Variants in BEND2 observed in about 807,000 individuals in gnomAD.
BEND2 encodes BEN domain-containing protein 2.
A neutral mutation model predicts 43.8 loss-of-function variants in BEND2; 19 were observed. The observed-to-expected ratio is 0.43, with a 90% CI of 0.30 to 0.64. The LOEUF is 0.64. BEND2 is among the 30% of genes least tolerant of loss of function. The probability of loss-of-function intolerance (pLI) is 0.11; values close to 1 mark genes in which losing one functional copy is unlikely to be tolerated. For missense variants in BEND2, 544 were observed against 574.0 expected, an observed-to-expected ratio of 0.95 and a Z score of 0.53; for synonymous variants, 226 against 210.1, an observed-to-expected ratio of 1.08 and a Z score of -0.66.
chrX:18,216,798 G>T, intron 1 of BEND2, 65 bp from the exon 2 acceptor site: 1 of 863,478 alleles, frequency 1.2e-6, no homozygotes, highest in Non-Finnish European at 1.7e-6. Flanking sequence ...TCTTGAGGAA[G>T]CTACCTTATA....
intron 13 of BEND2, among the ~76,000 whole-genome samples, chrX:18,165,541 C>T (rs1234384500): frequency 8.9e-6 from 1 of 111,760 alleles, no homozygotes; most frequent in Non-Finnish European, 1.9e-5. Flanking sequence ...ATCAAAGAAG[C>T]GTCTAGCACG....
rs183017800 is a variant in BEND2 at position 18,163,190 on chromosome X, T to C, written c.*1819A>G. On this transcript the variant is annotated 3_prime_UTR_variant, in exon 14 of 14. Transcript: ENST00000380033. ...GATCCTCCCTCTTGAGCCCAGGAGT[T>C]CCAGATAAGCCTGGGCAATATAGCA... The C allele has an allele frequency of 1.8e-5, 2 of 111,939 alleles. No homozygotes were observed. Among genetic ancestry groups the C allele is most frequent in the Admixed American group, 1.9e-4 (2 of 10,502 alleles). The allele number at this position is 111,939 out of a possible 1,213,427, so 9.2% of individuals were successfully genotyped here.
At chrX:18,194,719 A>G (rs977456552) in intron 7 of BEND2, among the ~76,000 whole-genome samples, 3 of 111,631 alleles carry the variant, frequency 2.7e-5, no homozygotes, top group African/African-American at 9.8e-5. Flanking sequence ...GCTGAGTGAA[A>G]AAAAATCCAA....
At chrX:18,194,561 A>T (rs1300846341) in intron 7 of BEND2, among the ~76,000 whole-genome samples, 4 of 112,116 alleles carry the variant, frequency 3.6e-5, no homozygotes, top group African/African-American at 9.7e-5. Flanking sequence ...TAGACAAAAA[A>T]TAAAAATAAA....
intron 9 of BEND2, among the ~76,000 whole-genome samples, chrX:18,178,997 CTA>C (rs1924278109): frequency 1.7e-5 from 1 of 57,961 alleles, no homozygotes; most frequent in Non-Finnish European, 4.1e-5. Flanking sequence ...AAAGGACATT[CTA>C]GACCAAAATT....
chrX:18,172,641 C>A (rs1339457054), intron 12 of BEND2, among the ~76,000 whole-genome samples: 1 of 110,566 alleles, frequency 9.0e-6, no homozygotes, highest in Non-Finnish European at 1.9e-5. Context: ...TTGCAGTGAG[C>A]CGAGATTGTG....
At chrX:18,177,408 A>G (rs752738930) in intron 10 of BEND2, among the ~76,000 whole-genome samples, 161 bp downstream of exon 10, 1 of 109,579 alleles carries the variant, frequency 9.1e-6, no homozygotes, top group South Asian at 4.0e-4. Flanking sequence ...TACCAATTAT[A>G]TATTATTAAG....
Position 18,190,934 on chromosome X carries a change from A to G in BEND2, c.1288+67T>C, listed in dbSNP as rs999961671. 12 of 943,166 alleles carry G rather than the reference A, an allele frequency of 1.3e-5. No individual in the cohort carries two copies. In the South Asian group the frequency reaches 1.7e-4, roughly 14 times the overall value. 77.7% of individuals were successfully genotyped at this position (943,166 alleles called of 1,213,427 possible). A position where few individuals can be genotyped will look rare whatever the true frequency, so the allele number is the denominator to read the frequency against. ...GGGAAACTGGGTAAAGGTACACAAG[A>G]TCTCTCTGTATTCTTTCAATCTAGA... On this transcript the variant is annotated intron_variant, in intron 8 of 13. Coordinates refer to ENST00000380033, the MANE Select transcript of BEND2 (RefSeq NM_153346.5).
At chrX:18,202,519 C>G (rs1310622380) in intron 5 of BEND2, among the ~76,000 whole-genome samples, 2 of 111,760 alleles carry the variant, frequency 1.8e-5, no homozygotes. Context: ...TCTTGTCCTT[C>G]TACCTTCTGC....
In BEND2 at chrX:18,169,155, AAAAAT is replaced by A. The variant is rs201767881; in HGVS notation, c.2185+1841_2185+1845del. Among the ~76,000 whole-genome samples the A allele has an allele frequency of 8.7e-3, 959 of 110,668 alleles. 14 individuals carry two copies. The highest frequency in any genetic ancestry group is 0.029 in the African/African-American group (883 of 30,405). On this transcript the variant is annotated intron_variant, in intron 13 of 13. Transcript: ENST00000380033. ...GCAAGACCCCATCTCAAAAAAAAGA[AAAAAT>A]AAAATAAAATAAAATAAAATACAGA...
chrX:18,212,489 T>G, intron 4 of BEND2, 76 bp downstream of exon 4: 1 of 774,963 alleles, frequency 1.3e-6, no homozygotes, highest in Non-Finnish European at 1.9e-6. Flanking sequence ...TCAACTCCAT[T>G]TTTTAAAAAG....
chrX:18,164,840 A>T lies in BEND2; in HGVS notation c.*169T>A. 2.1e-6 allele frequency: 1 copy of T among 471,863 alleles called. No individual in the cohort carries two copies. Among genetic ancestry groups the T allele is most frequent in the Non-Finnish European group, 3.5e-6 (1 of 286,354 alleles). 38.9% of individuals were successfully genotyped at this position (471,863 alleles called of 1,213,427 possible). On this transcript the variant is annotated 3_prime_UTR_variant, in exon 14 of 14. Transcript: ENST00000380033. ...CAGATGAAACATTACGTATCTTCCT[A>T]ATGTGATTCTACCTCCTTTATGAGC...
At chrX:18,216,976 A>G (rs1486480979) in intron 1 of BEND2, among the ~76,000 whole-genome samples, 1 of 112,566 alleles carries the variant, frequency 8.9e-6, no homozygotes, top group African/African-American at 3.2e-5. Context: ...TAGTACTTCC[A>G]ATTTCGTAGA....
intron 10 of BEND2, among the ~76,000 whole-genome samples, chrX:18,176,964 G>A (rs1924182373): frequency 9.1e-6 from 1 of 110,119 alleles, no homozygotes; most frequent in African/African-American, 3.3e-5. Flanking sequence ...CCTCAAAGCA[G>A]CTGCTCTGAG....
chrX:18,188,460 G>T (rs368890765), intron 8 of BEND2, among the ~76,000 whole-genome samples: 1 of 111,346 alleles, frequency 9.0e-6, no homozygotes, highest in Non-Finnish European at 1.9e-5. Flanking sequence ...AACTGATACC[G>T]CAGAAATTCA....
At chrX:18,193,056 C>T (rs1040022066) in intron 7 of BEND2, among the ~76,000 whole-genome samples, 1 of 112,087 alleles carries the variant, frequency 8.9e-6, no homozygotes, top group Non-Finnish European at 1.9e-5. Flanking sequence ...GTGGCTCATG[C>T]CTGTAATCCC....
intron 13 of BEND2, 73 bp downstream of exon 13, chrX:18,170,928 G>A: frequency 8.3e-7 from 1 of 1,202,127 alleles, no homozygotes; most frequent in Non-Finnish European, 1.1e-6. Context: ...AACCTGAATG[G>A]ATTCTTCTTT....
intron 4 of BEND2, among the ~76,000 whole-genome samples, chrX:18,207,180 C>T (rs900558214): frequency 3.6e-5 from 4 of 112,198 alleles, no homozygotes; most frequent in African/African-American, 9.7e-5. Context: ...AAGCACTCCG[C>T]TTCTGTTCTC....
chrX:18,174,197 T>C lies in BEND2; in HGVS notation c.1814A>G (p.Asn605Ser), dbSNP rs1385744675. The change falls in exon 12 of 14, where the codon AAT becomes AGT. Residue 605 changes from asparagine (N) to serine (S), a missense_variant. Transcript: ENST00000380033. ...ACCACCATCTCTGCCCCTTTGGTCA[T>C]TTCTATCTGCAGATGCCGATGCAAC... The part of the protein sequence containing the change: ...NRVASASADR[N>S]DQRGRDGGEG... The C allele has an allele frequency of 2.5e-6, 3 of 1,212,059 alleles. No homozygotes were observed. Among genetic ancestry groups the C allele is most frequent in the South Asian group, 3.5e-5 (2 of 57,015 alleles).
Sources: allele counts gnomAD v4.1 joint callset (sites outside exome capture counted in the v4.1 genomes callset), GRCh38; gene constraint gnomAD v4.1.1; transcripts MANE v1.5; gene names NCBI Gene and HGNC (gene_info 2026-07-23, HGNC 2026-07-21).